VAV1: variants seen among roughly 807,000 people sequenced by gnomAD.
The protein encoded by VAV1 is vav guanine nucleotide exchange factor 1.
Under a neutral mutation model 128.1 loss-of-function variants are expected in VAV1, and 33 were observed. The ratio of observed to expected loss-of-function variants is 0.26; its 90% confidence interval spans 0.20 to 0.34. VAV1 has a LOEUF of 0.34. Among genes scored for constraint, VAV1 ranks in the 10% least tolerant of loss-of-function variants. The pLI is 1.00. For synonymous variants in VAV1, 394 were observed against 409.8 expected (o/e 0.96, Z 0.47); for missense variants, 715 against 1,093.7 (o/e 0.65, Z 4.88).
chr19:6,800,053 T>C (rs1445298355), intron 1 of VAV1, among the ~76,000 whole-genome samples: 1 of 151,770 alleles, frequency 6.6e-6, no homozygotes, highest in Non-Finnish European at 1.5e-5. Context: ...ATTCCAGCAC[T>C]TTGGGGAACT....
Position 6,833,515 on chromosome 19 carries a change from C to T in VAV1, c.1611-13C>T, listed in dbSNP as rs1462875458. ...GGTCACTCGCTCTTCTTTATGTGTT[C>T]CCTGCATCTCAGAGGTACCTTCTAT... On this transcript the variant is annotated splice_polypyrimidine_tract_variant and intron_variant, in intron 16 of 26. Coordinates refer to ENST00000602142, the MANE Select transcript of VAV1 (RefSeq NM_005428.4). 1 of 1,586,648 alleles carries T rather than the reference C, an allele frequency of 6.3e-7. No homozygotes were observed. The highest frequency in any genetic ancestry group is 8.6e-7 in the Non-Finnish European group (1 of 1,166,068).
At chr19:6,850,858 C>T in intron 24 of VAV1, 101 bp downstream of exon 24, 1 of 1,144,992 alleles carries the variant, frequency 8.7e-7, no homozygotes, top group Non-Finnish European at 1.3e-6. Flanking sequence ...CAGGGTGACC[C>T]CCCTCCAGTG....
intron 1 of VAV1, among the ~76,000 whole-genome samples, chr19:6,803,025 A>G (rs1971308018): frequency 6.6e-6 from 1 of 152,198 alleles, no homozygotes; most frequent in African/African-American, 2.4e-5. Context: ...GGGAGGCAAC[A>G]AATTGTCCTT....
At chr19:6,785,666 T>TTC (rs1568283917) in intron 1 of VAV1, among the ~76,000 whole-genome samples, 3 of 147,090 alleles carry the variant, frequency 2.0e-5, no homozygotes, top group Non-Finnish European at 4.5e-5. Context: ...TCTTTCTTTT[T>TTC]TTTTTTTTTT....
chr19:6,833,673 G>A lies in VAV1; in HGVS notation c.1709-38G>A, dbSNP rs377450761. On this transcript the variant is annotated intron_variant, in intron 17 of 26. Coordinates refer to ENST00000602142, the MANE Select transcript of VAV1 (RefSeq NM_005428.4). The stretch of plus-strand genomic sequence containing the variant: ...GAGGTGAGCTTGGTTCTCTTTGGAG[G>A]ATTTCCCGTTCTCACCATTTCCTTT... 11 of 1,613,996 alleles carry A rather than the reference G, an allele frequency of 6.8e-6. No homozygotes were observed. The African/African-American group carries it at 1.2e-4, about 18-fold the overall frequency.
rs1319067024 is a variant in VAV1 at position 6,821,849 on chromosome 19, G to A, written c.439G>A (p.Asp147Asn). The change falls in exon 4 of 27, where the codon GAC becomes AAC. Residue 147 changes from aspartate (D) to asparagine (N), a missense_variant. Physicochemically the swap from Asp to Asn is conservative, Grantham distance 23. Coordinates refer to ENST00000602142, the MANE Select transcript of VAV1 (RefSeq NM_005428.4). ...TGAAGACATCTACAGTGGCCTGTCC[G>A]ACCAGATCGAGTGAGTGCTCAGGCC... The part of the protein sequence containing the change: ...GDEDIYSGLS[D>N]QIDDTVEEDE... 3.1e-6 allele frequency: 5 copies of A among 1,614,018 alleles called. No individual in the cohort carries two copies. The highest frequency in any genetic ancestry group is 2.2e-5 in the South Asian group (2 of 91,078).
intron 8 of VAV1, 93 bp downstream of exon 8, chr19:6,825,499 C>G: frequency 2.7e-6 from 3 of 1,095,492 alleles, no homozygotes; most frequent in Non-Finnish European, 4.0e-6. Context: ...CACCACTGGA[C>G]GGGGAGGACT....
chr19:6,806,962 G>A (rs886295041), intron 1 of VAV1, among the ~76,000 whole-genome samples: 11 of 152,170 alleles, frequency 7.2e-5, no homozygotes, highest in Non-Finnish European at 1.6e-4. Context: ...GGGATTCCAC[G>A]ATCTGTTCAG....
At chr19:6,799,836 G>T (rs1196577778) in intron 1 of VAV1, among the ~76,000 whole-genome samples, 4 of 111,870 alleles carry the variant, frequency 3.6e-5, no homozygotes, top group Admixed American at 2.4e-4. Flanking sequence ...GACAGACTGA[G>T]ACTGTCTCAA....
At chr19:6,817,156 T>C (rs1971672844) in intron 1 of VAV1, among the ~76,000 whole-genome samples, 1 of 151,578 alleles carries the variant, frequency 6.6e-6, no homozygotes, top group Non-Finnish European at 1.5e-5. Context: ...CAAGCAATTC[T>C]CCTGCCTCAG....
intron 1 of VAV1, among the ~76,000 whole-genome samples, chr19:6,807,651 G>A (rs1971424432): frequency 6.6e-6 from 1 of 152,012 alleles, no homozygotes; most frequent in Non-Finnish European, 1.5e-5. Flanking sequence ...GGTGGAGGCT[G>A]CAGTGAGCTG....
chr19:6,785,871 C>T (rs979642918), intron 1 of VAV1, among the ~76,000 whole-genome samples: 2 of 151,888 alleles, frequency 1.3e-5, no homozygotes, highest in Non-Finnish European at 2.9e-5. Context: ...TGTTGGCCAG[C>T]TGGTCTTGAA....
At chr19:6,823,523 AT>A (rs1404111341) in intron 6 of VAV1, among the ~76,000 whole-genome samples, 2 of 151,696 alleles carry the variant, frequency 1.3e-5, no homozygotes, top group African/African-American at 4.8e-5. Context: ...TTTTATATAT[AT>A]TTTTTGTTAT....
chr19:6,777,868 C>T lies in VAV1; in HGVS notation c.204+4857C>T, dbSNP rs1970679057. On this transcript the variant is annotated intron_variant, in intron 1 of 26. Coordinates refer to ENST00000602142, the MANE Select transcript of VAV1 (RefSeq NM_005428.4). This position sits in a 1 kb window ranked among gnomAD's most constrained non-coding sequence, Gnocchi z 4.4. ...CAGGATGGAGTGCAGTGGCATGGTCCCAACTCACTGCAGCCTCCACCTCCC... is the reference window on the plus strand; with the variant it reads ...CAGGATGGAGTGCAGTGGCATGGTCTCAACTCACTGCAGCCTCCACCTCCC... Among the ~76,000 whole-genome samples the T allele has an allele frequency of 6.6e-6, 1 of 152,008 alleles. No individual in the cohort carries two copies. The highest frequency in any genetic ancestry group is 2.1e-4 in the South Asian group (1 of 4,828).
chr19:6,809,233 C>T (rs1971463788), intron 1 of VAV1, among the ~76,000 whole-genome samples: 1 of 152,074 alleles, frequency 6.6e-6, no homozygotes, highest in Non-Finnish European at 1.5e-5. Context: ...GCCACCACAC[C>T]TGGCTAATTT....
At chr19:6,819,223 C>T (rs1205448406) in intron 1 of VAV1, among the ~76,000 whole-genome samples, 4 of 152,116 alleles carry the variant, frequency 2.6e-5, no homozygotes, top group Non-Finnish European at 5.9e-5. Flanking sequence ...AAGTTCAAAA[C>T]ACTCTTTTCA....
At position 6,820,959 on chromosome 19, in the gene VAV1, G is replaced by A. The variant is rs1971768278; in HGVS notation, c.321+141G>A. 3 of 767,812 alleles carry A rather than the reference G, an allele frequency of 3.9e-6. No homozygotes were observed. The South Asian group carries it at 4.8e-5, about 12-fold the overall frequency. 47.6% of individuals were successfully genotyped at this position (767,812 alleles called of 1,614,324 possible). A position where few individuals can be genotyped will look rare whatever the true frequency, so the allele number is the denominator to read the frequency against. ...ACAAGACGCAAATAGCACTGGCTTG[G>A]GATATGTGGAACTGGGTTTGAGTTC... is the stretch of plus-strand genomic sequence containing the variant. On this transcript the variant is annotated intron_variant, in intron 2 of 26. Coordinates refer to ENST00000602142, the MANE Select transcript of VAV1 (RefSeq NM_005428.4). The surrounding 1 kb of genome is among the most constrained non-coding windows in gnomAD (Gnocchi z 4.4).
In VAV1 at chr19:6,822,908, A is replaced by G. The variant is rs1469818752; in HGVS notation, c.654+394A>G. On this transcript the variant is annotated intron_variant, in intron 6 of 26. Coordinates refer to ENST00000602142, the MANE Select transcript of VAV1 (RefSeq NM_005428.4). The surrounding 1 kb of genome is among the most constrained non-coding windows in gnomAD (Gnocchi z 5.9). ...ATAAAATATAAACATGATATATGAT[A>G]TTTATAAGATATAAAATATATAGTT... Among the ~76,000 whole-genome samples the G allele has an allele frequency of 6.8e-6, 1 of 147,454 alleles. No individual in the cohort carries two copies. The highest frequency in any genetic ancestry group is 1.5e-5 in the Non-Finnish European group (1 of 66,918).
At chr19:6,846,010 TATTTAC>T (rs1296002880) in intron 22 of VAV1, among the ~76,000 whole-genome samples, 1 of 148,868 alleles carries the variant, frequency 6.7e-6, no homozygotes, top group Non-Finnish European at 1.5e-5. Flanking sequence ...ATATATTACA[TATTTAC>T]ATTTACATTA....
Sources: allele counts gnomAD v4.1 joint callset (sites outside exome capture counted in the v4.1 genomes callset), GRCh38; gene constraint gnomAD v4.1.1; non-coding constraint Gnocchi (gnomAD v3.1); transcripts MANE v1.5; gene names NCBI Gene and HGNC (gene_info 2026-07-23, HGNC 2026-07-21).